Variants in NHSL1 observed in about 807,000 individuals in gnomAD.
The protein encoded by NHSL1 is NHS like 1, also known as NHS-like protein 1.
A neutral mutation model predicts 95.0 loss-of-function variants in NHSL1; 48 were observed. The ratio of observed to expected loss-of-function variants is 0.51; its 90% confidence interval spans 0.40 to 0.64. The LOEUF is 0.64. NHSL1 is among the 30% of genes least tolerant of loss of function. The pLI, the probability that NHSL1 is intolerant of heterozygous loss-of-function variation, is 0.00. For missense variants in NHSL1, 1,971 were observed against 2,077.7 expected (o/e 0.95, Z 1.00); for synonymous variants, 783 against 833.9 (o/e 0.94, Z 1.05).
At chr6:138,586,015 G>A (rs909140676) in intron 1 of NHSL1, among the ~76,000 whole-genome samples, 1 of 151,982 alleles carries the variant, frequency 6.6e-6, no homozygotes, top group Non-Finnish European at 1.5e-5. Flanking sequence ...TTGTGCCACT[G>A]CACTCTAGCC....
At chr6:138,501,264 G>A (rs1054457843), upstream of NHSL1, among the ~76,000 whole-genome samples, 2 of 152,178 alleles carry the variant, frequency 1.3e-5, no homozygotes, top group African/African-American at 2.4e-5. Context: ...ACCAGGCACC[G>A]ATGCTAACTG....
chr6:138,423,856 C>A lies in NHSL1; in HGVS notation c.*225G>T. On this transcript the variant is annotated 3_prime_UTR_variant, in exon 8 of 8. Transcript: ENST00000343505. ...AAAAAAAAATCTTCCCCGGGAAGCA[C>A]TTTCAGAAGTTTAAGCTTCTACTTG... 3.0e-6 allele frequency: 1 copy of A among 335,746 alleles called. No individual in the cohort carries two copies. The highest frequency in any genetic ancestry group is 4.5e-5 in the East Asian group (1 of 22,322). 20.8% of individuals were successfully genotyped at this position (335,746 alleles called of 1,614,324 possible). A position where few individuals can be genotyped will look rare whatever the true frequency, so the allele number is the denominator to read the frequency against.
chr6:138,660,979 T>C (rs931350316), intron 1 of NHSL1, among the ~76,000 whole-genome samples: 1 of 151,988 alleles, frequency 6.6e-6, no homozygotes, highest in Non-Finnish European at 1.5e-5. Context: ...GTAGTCCCAG[T>C]TGGGACTGGG....
intron 1 of NHSL1, among the ~76,000 whole-genome samples, chr6:138,582,941 T>C (rs747518547): frequency 1.3e-5 from 2 of 152,184 alleles, no homozygotes; most frequent in East Asian, 1.9e-4. Flanking sequence ...CAAAACCCAA[T>C]GGCTTAAAGC....
At chr6:138,666,990 T>A (rs1030608718) in intron 1 of NHSL1, among the ~76,000 whole-genome samples, 9 of 152,336 alleles carry the variant, frequency 5.9e-5, no homozygotes, top group African/African-American at 2.2e-4. Flanking sequence ...CGATACTGAA[T>A]TAAACACATA....
chr6:138,544,424 CT>C (rs2128326664), intron 1 of NHSL1, among the ~76,000 whole-genome samples: 1 of 151,770 alleles, frequency 6.6e-6, no homozygotes, highest in South Asian at 2.1e-4. Flanking sequence ...TGTGATGTTC[CT>C]TTTTGTTCTT....
In NHSL1 at chr6:138,431,517, G is replaced by A. The variant is rs1425961573; in HGVS notation, c.2828C>T (p.Pro943Leu). ...PPVPSPPFPC[P>L]ADRSPFLPPP... ...AGGAAGGAAAGGAGACCTGTCTGCA[G>A]GACAAGGGAATGGAGGAGAGGGAAC... is the stretch of plus-strand genomic sequence containing the variant. The change falls in exon 6 of 8, where the codon CCT (proline) becomes CTT (leucine). Residue 943 changes from proline to leucine, a missense_variant. Coordinates refer to ENST00000343505, the MANE Select transcript of NHSL1 (RefSeq NM_001144060.2). This position sits in a 1 kb window ranked among gnomAD's most constrained non-coding sequence, Gnocchi z 4.0. The A allele has an allele frequency of 2.6e-6, 4 of 1,551,158 alleles. No homozygotes were observed. The highest frequency in any genetic ancestry group is 3.5e-6 in the Non-Finnish European group (4 of 1,146,724).
At chr6:138,463,780 C>T (rs2183147) in intron 3 of NHSL1, among the ~76,000 whole-genome samples, 18,903 of 152,014 alleles carry the variant, frequency 0.12, 1,218 homozygotes, top group Middle Eastern at 0.16. Context: ...ACTTGTGTGA[C>T]GTTCTTATAT....
chr6:138,456,261 A>C (rs1264056827), intron 3 of NHSL1, among the ~76,000 whole-genome samples: 3 of 152,198 alleles, frequency 2.0e-5, no homozygotes, highest in Non-Finnish European at 4.4e-5. Flanking sequence ...TCACAGACGA[A>C]AGCAACTTAT....
intron 1 of NHSL1, among the ~76,000 whole-genome samples, chr6:138,534,856 C>G (rs1214175358): frequency 6.6e-6 from 1 of 152,198 alleles, no homozygotes; most frequent in Non-Finnish European, 1.5e-5. Context: ...CAAACAAGAA[C>G]ACGACTCAGC....
intron 1 of NHSL1, among the ~76,000 whole-genome samples, chr6:138,553,041 C>T (rs972732460): frequency 5.3e-5 from 8 of 152,086 alleles, no homozygotes; most frequent in African/African-American, 1.9e-4. Context: ...CAAAAGAACT[C>T]CAATTGCACC....
At chr6:138,610,181 T>G (rs1401416061) in intron 1 of NHSL1, among the ~76,000 whole-genome samples, 1 of 152,176 alleles carries the variant, frequency 6.6e-6, no homozygotes, top group African/African-American at 2.4e-5. Flanking sequence ...AAGCTAGATT[T>G]GGAGGCAGTA....
At chr6:138,540,452 C>T (rs950847627) in intron 1 of NHSL1, among the ~76,000 whole-genome samples, 1 of 152,238 alleles carries the variant, frequency 6.6e-6, no homozygotes, top group Non-Finnish European at 1.5e-5. Context: ...TGGTTGCTTA[C>T]TAGCTCACTT....
intron 1 of NHSL1, among the ~76,000 whole-genome samples, chr6:138,578,988 A>G (rs9484177): frequency 0.26 from 39,431 of 152,052 alleles, 8,479 homozygotes; most frequent in African/African-American, 0.6. Context: ...CAGGGTAGGG[A>G]GTGGTTTCAG....
intron 1 of NHSL1, among the ~76,000 whole-genome samples, chr6:138,593,614 T>A (rs535822607): frequency 6.6e-6 from 1 of 152,332 alleles, no homozygotes; most frequent in Admixed American, 6.5e-5. Context: ...CTCACTTTCA[T>A]TAGGAGATGA....
At chr6:138,597,241 C>T (rs1327731208) in intron 1 of NHSL1, among the ~76,000 whole-genome samples, 1 of 152,180 alleles carries the variant, frequency 6.6e-6, no homozygotes, top group East Asian at 1.9e-4. Context: ...TATGAAGCAT[C>T]AATCCATAAA....
chr6:138,582,050 C>T (rs1322549084), intron 1 of NHSL1, among the ~76,000 whole-genome samples: 2 of 152,054 alleles, frequency 1.3e-5, no homozygotes, highest in East Asian at 3.9e-4. Context: ...GCGTACACCA[C>T]CACACCTGGC....
At chr6:138,484,036 A>G (rs1030921723) in intron 2 of NHSL1, among the ~76,000 whole-genome samples, 1 of 152,216 alleles carries the variant, frequency 6.6e-6, no homozygotes, top group African/African-American at 2.4e-5. Context: ...TATTTGAGTA[A>G]TAAGAGGATG....
At chr6:138,565,736 G>A (rs1193579638) in intron 1 of NHSL1, among the ~76,000 whole-genome samples, 2 of 148,114 alleles carry the variant, frequency 1.4e-5, no homozygotes, top group African/African-American at 2.6e-5. Context: ...ATCAGCCTGA[G>A]CAAAAGAGAG....
Sources: allele counts gnomAD v4.1 joint callset (sites outside exome capture counted in the v4.1 genomes callset), GRCh38; gene constraint gnomAD v4.1.1; non-coding constraint Gnocchi (gnomAD v3.1); transcripts MANE v1.5; gene names NCBI Gene and HGNC (gene_info 2026-07-23, HGNC 2026-07-21).